ABCC3: variants seen among roughly 807,000 people sequenced by gnomAD.
ABCC3 encodes ATP binding cassette subfamily C member 3, also known as ATP-binding cassette sub-family C member 3.
In ABCC3, 121 loss-of-function variants were observed where a neutral mutation model predicts 165.3. The ratio of observed to expected loss-of-function variants is 0.73; its 90% CI spans 0.63 to 0.85. The LOEUF (loss-of-function observed/expected upper bound fraction) is 0.85, where lower values mean the gene tolerates loss of function less well. Ranked by LOEUF, ABCC3 falls within the 40% of genes least tolerant of loss-of-function variation. The pLI is 0.00. For missense variants in ABCC3, 1,869 were observed against 1,964.1 expected, an observed-to-expected ratio of 0.95 and a Z score of 0.92; for synonymous variants, 733 against 810.1, an observed-to-expected ratio of 0.90 and a Z score of 1.62.
intron 1 of ABCC3, among the ~76,000 whole-genome samples, chr17:50,645,587 C>CGTGTAT (rs780949334): frequency 6.6e-6 from 1 of 151,870 alleles, no homozygotes; most frequent in Non-Finnish European, 1.5e-5. Context: ...ATTCAATAAA[C>CGTGTAT]GTGTATGTGT....
In ABCC3 at chr17:50,676,574, T is replaced by C; in HGVS notation, c.3364T>C (p.Tyr1122His). The part of the protein sequence containing the change: ...TVVILPLAVL[Y>H]TLVQRFYAAT... The stretch of plus-strand genomic sequence containing the variant: ...GGTCATCCTGCCCCTGGCTGTGCTC[T>C]ACACCTTAGTGCAGGTGTGGGGTGG... Residue 1122 changes from tyrosine (Y) to histidine (H), a missense_variant, in exon 23 of 31, where the codon TAC becomes CAC. Tyr to His is a moderately conservative substitution (Grantham distance 83). Transcript: ENST00000285238. The C allele has an allele frequency of 1.3e-6, 2 of 1,510,374 alleles. No individual in the cohort carries two copies. Among genetic ancestry groups the C allele is most frequent in the Non-Finnish European group, 9.0e-7 (1 of 1,116,976 alleles). The allele number at this position is 1,510,374 out of a possible 1,614,324, so 93.6% of individuals were successfully genotyped here. A position where few individuals can be genotyped will look rare whatever the true frequency, so the allele number is the denominator to read the frequency against.
intron 17 of ABCC3, among the ~76,000 whole-genome samples, chr17:50,672,508 C>T (rs1967671000): frequency 6.6e-6 from 1 of 152,196 alleles, no homozygotes; most frequent in African/African-American, 2.4e-5. Context: ...CCCTTTACCT[C>T]TGTCCCTCAC....
intron 30 of ABCC3, 92 bp from the exon 31 acceptor site, chr17:50,690,999 TG>T: frequency 1.1e-6 from 1 of 942,842 alleles, no homozygotes; most frequent in African/African-American, 1.6e-5. Flanking sequence ...CATGTCACTG[TG>T]GGCCTGAGCA....
rs564332255 is a variant in ABCC3 at position 50,690,764 on chromosome 17, C to T, written c.4476-328C>T. Among the ~76,000 whole-genome samples, 16 of 152,346 alleles carry T rather than the reference C, an allele frequency of 1.1e-4. No individual in the cohort carries two copies. The East Asian group carries it at 2.3e-3, about 22-fold the overall frequency. On this transcript the variant is annotated intron_variant, in intron 30 of 30. Transcript: ENST00000285238. The stretch of plus-strand genomic sequence containing the variant: ...GCAGATGGATGTGCACAGAGCCCAG[C>T]GCACAGGCCCATGGCTCCCTGCGCA...
intron 1 of ABCC3, chr17:50,636,059 T>G (rs1161454574): frequency 6.5e-6 from 1 of 153,894 alleles, no homozygotes; most frequent in Non-Finnish European, 1.4e-5. Flanking sequence ...TACTTGCCTC[T>G]ATGAGGCAAG....
chr17:50,673,971 T>TCCTTCCTTCCTTCCTTCCTTCCTTCCTTC (rs1567835528), intron 19 of ABCC3, among the ~76,000 whole-genome samples: 1 of 14,648 alleles, frequency 6.8e-5, no homozygotes, highest in Admixed American at 1.1e-3. Context: ...TTTCTTTCTT[T>TCCTTCCTTCCTTCCTTCCTTCCTTCCTTC]CTTTCTTTCT....
intron 1 of ABCC3, among the ~76,000 whole-genome samples, chr17:50,639,870 C>T (rs1488711937): frequency 7.9e-5 from 12 of 151,806 alleles, no homozygotes; most frequent in Middle Eastern, 3.4e-3. Flanking sequence ...TTCAAGCAAT[C>T]CTCCTGCCTC....
At chr17:50,664,244 T>C (rs1202944655) in intron 10 of ABCC3, 133 bp downstream of exon 10, 19 of 1,267,576 alleles carry the variant, frequency 1.5e-5, no homozygotes, top group Non-Finnish European at 1.9e-5. Flanking sequence ...GGCAAGAGGA[T>C]CACTTGAGCC....
chr17:50,643,536 A>G (rs1337652918), intron 1 of ABCC3: 1 of 456,152 alleles, frequency 2.2e-6, no homozygotes, highest in Non-Finnish European at 4.4e-6. Flanking sequence ...CCAACGTGCC[A>G]CTGTATCTGC....
chr17:50,658,037 C>G, intron 4 of ABCC3, 45 bp from the exon 5 acceptor site: 1 of 1,613,384 alleles, frequency 6.2e-7, no homozygotes. Flanking sequence ...GCTGCAGGCC[C>G]AGGCTTTTCC....
intron 26 of ABCC3, 144 bp from the exon 27 acceptor site, chr17:50,683,466 C>T: frequency 1.2e-6 from 1 of 864,616 alleles, no homozygotes; most frequent in Non-Finnish European, 1.6e-6. Context: ...AGTCATTGAA[C>T]ACAAGGCTGA....
intron 17 of ABCC3, among the ~76,000 whole-genome samples, chr17:50,670,574 A>G (rs1967627064): frequency 6.6e-6 from 1 of 152,260 alleles, no homozygotes; most frequent in African/African-American, 2.4e-5. Context: ...GGAAGAGATA[A>G]TAAGTAAGAT....
chr17:50,647,113 G>A (rs1045094669), intron 1 of ABCC3, among the ~76,000 whole-genome samples: 6 of 152,210 alleles, frequency 3.9e-5, no homozygotes, highest in African/African-American at 1.4e-4. Flanking sequence ...TCCTGACCTC[G>A]TGATCTTCCC....
intron 10 of ABCC3, chr17:50,664,470 C>A: frequency 3.9e-6 from 1 of 258,926 alleles, no homozygotes; most frequent in South Asian, 4.9e-5. Flanking sequence ...TTTGGGAGAC[C>A]AAGGCGGGTG....
Position 50,691,689 on chromosome 17 carries a change from C to T in ABCC3, c.*489C>T, listed in dbSNP as rs1968127671. ...TGGGAGTACTGATGAAATAAAACTA[C>T]ATGGTCAACAGTATATACACAGTAG... On this transcript the variant is annotated 3_prime_UTR_variant, in exon 31 of 31. Transcript: ENST00000285238. The T allele has an allele frequency of 6.1e-6, 1 of 165,236 alleles. No individual in the cohort carries two copies. Among genetic ancestry groups the T allele is most frequent in the African/African-American group, 2.4e-5 (1 of 41,736 alleles). The allele number at this position is 165,236 out of a possible 1,614,324, so 10.2% of individuals were successfully genotyped here.
intron 1 of ABCC3, chr17:50,635,216 A>C: frequency 1.6e-6 from 1 of 628,126 alleles, no homozygotes; most frequent in South Asian, 1.9e-5. Context: ...CGGCTGCAGC[A>C]CTGGGGAGCC....
intron 12 of ABCC3, 39 bp downstream of exon 12, chr17:50,667,796 C>A: frequency 6.2e-7 from 1 of 1,613,718 alleles, no homozygotes; most frequent in South Asian, 1.1e-5. Flanking sequence ...GCCTCCAGGG[C>A]TCTGGGTGCC....
chr17:50,644,263 G>A (rs4638630), intron 1 of ABCC3, among the ~76,000 whole-genome samples: 94,217 of 140,472 alleles, frequency 0.67, 31,793 homozygotes, highest in Non-Finnish European at 0.72. Context: ...GTGAGCCAAG[G>A]TCACACCACT....
rs1968127783 is a variant in ABCC3 at position 50,691,695 on chromosome 17, C to T, written c.*495C>T. The stretch of plus-strand genomic sequence containing the variant: ...TACTGATGAAATAAAACTACATGGT[C>T]AACAGTATATACACAGTAGTCTTTT... On this transcript the variant is annotated 3_prime_UTR_variant, in exon 31 of 31. Coordinates refer to ENST00000285238, the MANE Select transcript of ABCC3 (RefSeq NM_003786.4). 1 of 164,698 alleles carries T rather than the reference C, an allele frequency of 6.1e-6. No individual in the cohort carries two copies. The highest frequency in any genetic ancestry group is 1.3e-5 in the Non-Finnish European group (1 of 74,734). The allele number at this position is 164,698 out of a possible 1,614,324, so 10.2% of individuals were successfully genotyped here. A position where few individuals can be genotyped will look rare whatever the true frequency, so the allele number is the denominator to read the frequency against.
Sources: gnomAD v4.1 joint callset for allele counts (sites outside exome capture counted in the v4.1 genomes callset) on GRCh38, gnomAD v4.1.1 for gene constraint, MANE v1.5 for transcripts, NCBI Gene and HGNC (gene_info 2026-07-23, HGNC 2026-07-21) for gene names.